KCNIP4: variants seen among roughly 807,000 people sequenced by gnomAD.
The protein encoded by KCNIP4 is potassium voltage-gated channel interacting protein 4.
Under a neutral mutation model 34.0 loss-of-function variants are expected in KCNIP4, and 12 were observed. The observed-to-expected ratio is 0.35, with a 90% confidence interval of 0.23 to 0.57. KCNIP4 has a LOEUF of 0.57. Ranked by LOEUF, KCNIP4 falls within the 20% of genes least tolerant of loss-of-function variation. The probability of loss-of-function intolerance (pLI) is 0.83; values close to 1 mark genes in which losing one functional copy is unlikely to be tolerated. For missense variants in KCNIP4, 238 were observed against 311.7 expected, an observed-to-expected ratio of 0.76 and a Z score of 1.78; for synonymous variants, 124 against 102.2, an observed-to-expected ratio of 1.21 and a Z score of -1.29.
At chr4:20,839,661 T>C (rs1264872597) in intron 3 of KCNIP4, among the ~76,000 whole-genome samples, 3 of 152,042 alleles carry the variant, frequency 2.0e-5, no homozygotes, top group African/African-American at 7.2e-5. Context: ...GTGCTAATAG[T>C]GATAATGATA....
intron 1 of KCNIP4, among the ~76,000 whole-genome samples, chr4:21,726,209 C>A (rs10028109): frequency 0.4 from 61,293 of 151,832 alleles, 14,631 homozygotes; most frequent in East Asian, 0.67. Context: ...CTCCTTTCAG[C>A]CTCCTCATGG....
At chr4:21,404,286 T>A (rs1295509468) in intron 1 of KCNIP4, among the ~76,000 whole-genome samples, 2 of 152,190 alleles carry the variant, frequency 1.3e-5, no homozygotes, top group African/African-American at 2.4e-5. Context: ...TTGTTTATTA[T>A]TTTTTTCCTG....
chr4:21,559,993 C>G (rs1739383987), intron 1 of KCNIP4, among the ~76,000 whole-genome samples: 1 of 152,064 alleles, frequency 6.6e-6, no homozygotes, highest in Non-Finnish European at 1.5e-5. Context: ...CTTACTTGAT[C>G]TATTTCATTT....
chr4:21,042,010 A>G (rs368181586), intron 1 of KCNIP4, among the ~76,000 whole-genome samples: 10 of 152,306 alleles, frequency 6.6e-5, no homozygotes, highest in African/African-American at 1.9e-4. Context: ...TAGGTGACCC[A>G]GGCATGTGCA....
chr4:20,878,878 A>G (rs1361090709), intron 2 of KCNIP4, among the ~76,000 whole-genome samples: 1 of 152,136 alleles, frequency 6.6e-6, no homozygotes, highest in Non-Finnish European at 1.5e-5. Context: ...AGCAAAAGAG[A>G]CAAAAAAAAG....
intron 1 of KCNIP4, among the ~76,000 whole-genome samples, chr4:21,640,835 A>C (rs538936336): frequency 9.2e-5 from 14 of 152,310 alleles, no homozygotes; most frequent in African/African-American, 2.9e-4. Flanking sequence ...ATGATCCAGC[A>C]GATTCAATGG....
chr4:21,543,524 GC>G (rs1737877419), intron 1 of KCNIP4, among the ~76,000 whole-genome samples: 1 of 151,910 alleles, frequency 6.6e-6, no homozygotes, highest in Non-Finnish European at 1.5e-5. Context: ...AAACTTCAAA[GC>G]CAATTCAAAA....
At chr4:21,387,412 C>G (rs1316323114) in intron 1 of KCNIP4, among the ~76,000 whole-genome samples, 13 of 152,202 alleles carry the variant, frequency 8.5e-5, no homozygotes, top group Non-Finnish European at 2.9e-5. Context: ...GTATTAACTT[C>G]TTTACCAAGG....
intron 1 of KCNIP4, among the ~76,000 whole-genome samples, chr4:21,586,314 T>C (rs1242729525): frequency 1.3e-5 from 2 of 152,066 alleles, no homozygotes; most frequent in Non-Finnish European, 1.5e-5. Context: ...TCTCTACATA[T>C]CCAGAGTCTG....
At chr4:21,383,884 T>A (rs189690686) in intron 1 of KCNIP4, among the ~76,000 whole-genome samples, 2 of 152,270 alleles carry the variant, frequency 1.3e-5, no homozygotes, top group Non-Finnish European at 2.9e-5. Context: ...AATAAGCAAC[T>A]AAATATATTA....
At position 21,369,948 on chromosome 4, in the gene KCNIP4, C is replaced by T. The variant is rs530426090; in HGVS notation, c.62-487239G>A. Among the ~76,000 whole-genome samples, 27 of 146,262 alleles carry T rather than the reference C, an allele frequency of 1.8e-4. 1 individual carries two copies. Among genetic ancestry groups the T allele is most frequent in the East Asian group, 1.6e-3 (8 of 4,940 alleles). ...GTTCACACCATTCTCCTGCCTCAGC[C>T]TCCCGAGTAGCTGGGACTACAGGCA... On this transcript the variant is annotated intron_variant, in intron 1 of 8. Coordinates refer to ENST00000382152, the MANE Select transcript of KCNIP4 (RefSeq NM_025221.6).
chr4:21,222,256 C>T (rs572989062), intron 1 of KCNIP4, among the ~76,000 whole-genome samples: 54 of 137,024 alleles, frequency 3.9e-4, no homozygotes, highest in African/African-American at 1.4e-3. Context: ...GCACTTTCTG[C>T]CATGAGAGCA....
chr4:21,938,165 A>T (rs1313694097), intron 1 of KCNIP4, among the ~76,000 whole-genome samples: 1 of 152,126 alleles, frequency 6.6e-6, no homozygotes, highest in Non-Finnish European at 1.5e-5. Flanking sequence ...TGAAAAATTC[A>T]TTCTCATTCT....
intron 1 of KCNIP4, among the ~76,000 whole-genome samples, chr4:21,169,411 C>A (rs1033059355): frequency 4.6e-5 from 7 of 152,206 alleles, no homozygotes; most frequent in Admixed American, 3.3e-4. Context: ...CTCAGCCTCC[C>A]AAAGTGCTGA....
chr4:21,885,426 GC>G (rs1052973920), intron 1 of KCNIP4, among the ~76,000 whole-genome samples: 6 of 151,970 alleles, frequency 3.9e-5, no homozygotes, highest in African/African-American at 1.4e-4. Context: ...AAAAAATGCA[GC>G]CACATCTTCA....
At chr4:21,629,087 G>A (rs1293523942) in intron 1 of KCNIP4, among the ~76,000 whole-genome samples, 4 of 152,136 alleles carry the variant, frequency 2.6e-5, no homozygotes, top group African/African-American at 7.2e-5. Context: ...AGCAAGCCAC[G>A]AGAGGTAGGC....
At chr4:21,491,189 C>T (rs915094109) in intron 1 of KCNIP4, among the ~76,000 whole-genome samples, 2 of 151,920 alleles carry the variant, frequency 1.3e-5, no homozygotes, top group African/African-American at 2.4e-5. Flanking sequence ...TCACAGGTAC[C>T]CTTGCAGCAG....
At chr4:20,865,040 C>A (rs953818358) in intron 2 of KCNIP4, among the ~76,000 whole-genome samples, 1 of 152,084 alleles carries the variant, frequency 6.6e-6, no homozygotes, top group African/African-American at 2.4e-5. Flanking sequence ...TCACCACTGG[C>A]TCTTCATTAT....
intron 3 of KCNIP4, among the ~76,000 whole-genome samples, chr4:20,813,608 G>A (rs1049714835): frequency 3.3e-5 from 5 of 152,100 alleles, no homozygotes; most frequent in Non-Finnish European, 7.4e-5. Context: ...AACAAATGTG[G>A]TAATAATTAG....
Sources: gnomAD v4.1 joint callset for allele counts (sites outside exome capture counted in the v4.1 genomes callset) on GRCh38, gnomAD v4.1.1 for gene constraint, MANE v1.5 for transcripts, NCBI Gene and HGNC (gene_info 2026-07-23, HGNC 2026-07-21) for gene names.